Variants in KLHDC4 observed in about 807,000 individuals in gnomAD.
The protein encoded by KLHDC4 is kelch domain-containing protein 4.
KLHDC4 carries 90 observed loss-of-function variants against 62.4 expected under a neutral mutation model. The ratio of observed to expected loss-of-function variants is 1.44; its 90% CI spans 1.22 to 1.72. The LOEUF (loss-of-function observed/expected upper bound fraction) is 1.72, where lower values mean the gene tolerates loss of function less well. Ranked by LOEUF, KLHDC4 falls within the 40% of genes most tolerant of loss-of-function variation. The pLI is 0.00. For synonymous variants in KLHDC4, 386 were observed against 284.4 expected, an observed-to-expected ratio of 1.36 and a Z score of -3.59; for missense variants, 1,025 against 699.7, an observed-to-expected ratio of 1.47 and a Z score of -5.25.
At chr16:87,704,099 C>A (rs551851865), downstream of KLHDC4, among the ~76,000 whole-genome samples, 3 of 152,220 alleles carry the variant, frequency 2.0e-5, no homozygotes, top group African/African-American at 7.2e-5. Context: ...ATCCCCCGCT[C>A]CTTCTGGAGG....
At chr16:87,741,315 G>A (rs2143014659) in intron 5 of KLHDC4, among the ~76,000 whole-genome samples, 1 of 152,334 alleles carries the variant, frequency 6.6e-6, no homozygotes, top group African/African-American at 2.4e-5. Flanking sequence ...CTGCCAGTTG[G>A]AGGTCCATGG....
chr16:87,743,300 G>C (rs114553127), intron 5 of KLHDC4, among the ~76,000 whole-genome samples: 2,644 of 152,098 alleles, frequency 0.017, 74 homozygotes, highest in African/African-American at 0.058. Flanking sequence ...TTACTATGTT[G>C]TCCCGGCTGG....
intron 5 of KLHDC4, among the ~76,000 whole-genome samples, chr16:87,744,968 T>C (rs4843696): frequency 0.29 from 41,298 of 140,314 alleles, 6,038 homozygotes; most frequent in South Asian, 0.49. Context: ...CGTGCACACA[T>C]GCAATCATCT....
intron 3 of KLHDC4, 73 bp from the exon 4 acceptor site, chr16:87,755,365 C>G (rs776600982): frequency 1.2e-6 from 1 of 801,478 alleles, no homozygotes; most frequent in African/African-American, 1.7e-5. Flanking sequence ...CAATCTTAAT[C>G]ATGACAATTC....
intron 8 of KLHDC4, among the ~76,000 whole-genome samples, chr16:87,712,517 G>A (rs1382903091): frequency 6.6e-6 from 1 of 152,236 alleles, no homozygotes; most frequent in African/African-American, 2.4e-5. Flanking sequence ...TCCTCCTGGG[G>A]GCTGACGAGC....
intron 7 of KLHDC4, among the ~76,000 whole-genome samples, chr16:87,726,056 ATCTC>A (rs1213414619): frequency 3.9e-5 from 6 of 152,102 alleles, no homozygotes; most frequent in Non-Finnish European, 7.4e-5. Context: ...GATTAACACT[ATCTC>A]TATTTCTAAT....
chr16:87,755,195 T>C lies in KLHDC4; in HGVS notation c.368A>G (p.Gln123Arg). ...PSPPPRRCAH[Q>R]AVVVPQGGGQ... ...GCTGAGAGTCAGTGCTGACATTACC[T>C]GGTGAGCACAGCGCCTCGGAGGTGG... is the stretch of plus-strand genomic sequence containing the variant. Residue 123 changes from glutamine to arginine, a missense_variant and splice_region_variant, in exon 4 of 12, where the codon CAG becomes CGG. Coordinates refer to ENST00000270583, the MANE Select transcript of KLHDC4 (RefSeq NM_017566.4). 2 of 1,602,304 alleles carry C rather than the reference T, an allele frequency of 1.2e-6. No homozygotes were observed. The highest frequency in any genetic ancestry group is 1.7e-6 in the Non-Finnish European group (2 of 1,169,500).
In KLHDC4 at chr16:87,730,610, G is replaced by T. The variant is rs137987853; in HGVS notation, c.541C>A (p.Arg181=). 19 of 1,613,318 alleles carry T rather than the reference G, an allele frequency of 1.2e-5. No homozygotes were observed. The highest frequency in any genetic ancestry group is 1.5e-5 in the Non-Finnish European group (18 of 1,179,862). ...AATTGTCTCTTCCAGGCCACCATCC[G>T]ATGTCCACTCCGACCCGAAGGACCG... ...TGGPSGRSGH[R]MVAWKRQLIL... is the part of the protein sequence containing the mutation. The change falls in exon 6 of 12, where the codon CGG becomes AGG. Residue 181 remains arginine (R), a synonymous_variant. Coordinates refer to ENST00000270583, the MANE Select transcript of KLHDC4 (RefSeq NM_017566.4).
chr16:87,727,104 T>A (rs957993733), intron 6 of KLHDC4, among the ~76,000 whole-genome samples, 180 bp from the exon 7 acceptor site: 2 of 152,196 alleles, frequency 1.3e-5, no homozygotes, highest in South Asian at 2.1e-4. Context: ...CCGCTTTCCC[T>A]GCAACGAGCC....
intron 8 of KLHDC4, 152 bp downstream of exon 8, chr16:87,714,346 C>T: frequency 6.1e-6 from 3 of 495,316 alleles, no homozygotes; most frequent in South Asian, 3.0e-5. Flanking sequence ...TCCCACCCGG[C>T]CCACCCCGAA....
At chr16:87,759,322 G>T (rs1390981651) in intron 2 of KLHDC4, among the ~76,000 whole-genome samples, 1 of 151,826 alleles carries the variant, frequency 6.6e-6, no homozygotes. Context: ...ATCATCTGAG[G>T]TCAGGAATTT....
At chr16:87,756,112 C>A (rs548559485) in intron 3 of KLHDC4, 70 of 264,220 alleles carry the variant, frequency 2.6e-4, no homozygotes, top group African/African-American at 1.5e-3. Flanking sequence ...GGAGGAAGAA[C>A]AGCACAGACA....
chr16:87,747,044 A>C (rs541796700), intron 5 of KLHDC4, among the ~76,000 whole-genome samples: 1 of 152,222 alleles, frequency 6.6e-6, no homozygotes, highest in Non-Finnish European at 1.5e-5. Context: ...GGCCACTCCC[A>C]AAGTGACCAG....
At chr16:87,765,709 C>G (rs1170298580) in intron 1 of KLHDC4, 83 bp downstream of exon 1, 4 of 1,366,182 alleles carry the variant, frequency 2.9e-6, no homozygotes, top group East Asian at 5.1e-5. Context: ...CACGGCCGAC[C>G]CGTAACCCCG....
chr16:87,722,148 C>CGTG (rs1567699761), intron 7 of KLHDC4, among the ~76,000 whole-genome samples: 1 of 152,210 alleles, frequency 6.6e-6, no homozygotes, highest in African/African-American at 2.4e-5. Flanking sequence ...CTGTCCCACA[C>CGTG]GCTGCATCTC....
chr16:87,743,699 C>G (rs1265064167), intron 5 of KLHDC4, among the ~76,000 whole-genome samples: 1 of 151,902 alleles, frequency 6.6e-6, no homozygotes, highest in South Asian at 2.1e-4. Context: ...GAGATCAAAC[C>G]ACTGCACTCC....
chr16:87,738,479 C>T (rs2041729042), intron 5 of KLHDC4, among the ~76,000 whole-genome samples: 1 of 152,148 alleles, frequency 6.6e-6, no homozygotes, highest in Non-Finnish European at 1.5e-5. Flanking sequence ...AGCAACACTG[C>T]AAGAGCAGAA....
chr16:87,730,755 C>T, intron 5 of KLHDC4, 111 bp from the exon 6 acceptor site: 1 of 866,736 alleles, frequency 1.2e-6, no homozygotes. Flanking sequence ...GTTTTGTGAG[C>T]ACTTACTGCT....
downstream of KLHDC4, among the ~76,000 whole-genome samples, chr16:87,705,791 G>C (rs1160259411): frequency 6.6e-6 from 1 of 150,396 alleles, no homozygotes; most frequent in African/African-American, 2.5e-5. Context: ...GGCAGGGCCT[G>C]GGCGGGGGCG....
Sources: allele counts gnomAD v4.1 joint callset (sites outside exome capture counted in the v4.1 genomes callset), GRCh38; gene constraint gnomAD v4.1.1; transcripts MANE v1.5; gene names NCBI Gene and HGNC (gene_info 2026-07-23, HGNC 2026-07-21).